Variants in NSD1 observed in about 807,000 individuals in gnomAD.
The protein encoded by NSD1 is histone-lysine N-methyltransferase, H3 lysine-36 specific.
Under a neutral mutation model 242.7 loss-of-function variants are expected in NSD1, and 26 were observed. That is an observed-to-expected ratio of 0.11 (90% CI 0.08 to 0.15). The LOEUF is 0.15. NSD1 is among the 10% of genes least tolerant of loss of function. NSD1 has a pLI of 1.00. For synonymous variants in NSD1, 1,106 were observed against 1,178.1 expected, an observed-to-expected ratio of 0.94 and a Z score of 1.25; for missense variants, 2,495 against 3,272.8, an observed-to-expected ratio of 0.76 and a Z score of 5.80.
intron 4 of NSD1, 139 bp from the exon 5 acceptor site, chr5:177,209,497 C>G (rs1415255137): frequency 1.5e-6 from 1 of 668,436 alleles, no homozygotes; most frequent in East Asian, 2.8e-5. Flanking sequence ...CCACTGCACT[C>G]CAGCCTGGGC....
At chr5:177,218,373 T>A (rs1763950325) in intron 5 of NSD1, among the ~76,000 whole-genome samples, 1 of 152,138 alleles carries the variant, frequency 6.6e-6, no homozygotes, top group Non-Finnish European at 1.5e-5. Context: ...ATTCCTAGTT[T>A]GTTGAGTGCT....
chr5:177,212,542 G>A (rs1331098486), intron 5 of NSD1, among the ~76,000 whole-genome samples: 1 of 118,798 alleles, frequency 8.4e-6, no homozygotes, highest in African/African-American at 3.4e-5. Context: ...TCACTGTGTT[G>A]CCCAGGCTGG....
chr5:177,292,493 G>C (rs1216629677), intron 22 of NSD1, among the ~76,000 whole-genome samples: 1 of 152,174 alleles, frequency 6.6e-6, no homozygotes, highest in African/African-American at 2.4e-5. Context: ...TTCACACATA[G>C]ATAGAGGAGC....
rs768468294 is a variant in NSD1 at position 177,256,958 on chromosome 5, T to C, written c.4773T>C (p.His1591=). Residue 1591 remains histidine (H), a synonymous_variant, in exon 13 of 23, where the codon CAT becomes CAC. Coordinates refer to ENST00000439151, the MANE Select transcript of NSD1 (RefSeq NM_022455.5). Reference sequence around the variant, plus strand: ...CTTCTTTTGGCTTCTCAGGAATCCATACCTGTTTTGTATGTAAGCAGAGTG... The same window carrying C: ...CTTCTTTTGGCTTCTCAGGAATCCACACCTGTTTTGTATGTAAGCAGAGTG... The part of the protein sequence containing the change: ...FICNECRTGI[H]TCFVCKQSGE... The C allele has an allele frequency of 1.2e-6, 2 of 1,613,796 alleles. No homozygotes were observed. The highest frequency in any genetic ancestry group is 1.7e-6 in the Non-Finnish European group (2 of 1,179,658).
intron 2 of NSD1, among the ~76,000 whole-genome samples, chr5:177,153,248 G>C (rs1581143051): frequency 6.7e-6 from 1 of 149,768 alleles, no homozygotes; most frequent in South Asian, 2.1e-4. Context: ...ATTAACTGCT[G>C]ATAGTGGAAT....
chr5:177,290,189 A>G (rs1224588890), intron 21 of NSD1, among the ~76,000 whole-genome samples: 2 of 145,896 alleles, frequency 1.4e-5, no homozygotes, highest in South Asian at 2.2e-4. Context: ...TAATTTTTTT[A>G]TATAATGGAT....
chr5:177,191,776 C>T (rs1761714715), intron 2 of NSD1, 108 bp from the exon 3 acceptor site: 6 of 1,151,684 alleles, frequency 5.2e-6, no homozygotes, highest in Non-Finnish European at 7.7e-6. Flanking sequence ...AGAGTGTTTT[C>T]ATTCTCAATT....
chr5:177,178,303 C>T (rs1760373305), intron 2 of NSD1, among the ~76,000 whole-genome samples: 1 of 151,586 alleles, frequency 6.6e-6, no homozygotes, highest in Admixed American at 6.6e-5. Flanking sequence ...CTCGGCTCAC[C>T]ACAACCTCCG....
intron 14 of NSD1, among the ~76,000 whole-genome samples, chr5:177,260,658 T>C (rs918686995): frequency 6.6e-6 from 1 of 152,182 alleles, no homozygotes; most frequent in Admixed American, 6.5e-5. Flanking sequence ...AGCAGAACTT[T>C]TTAAAACTTG....
chr5:177,187,108 T>C (rs1403416225), intron 2 of NSD1, among the ~76,000 whole-genome samples: 2 of 143,298 alleles, frequency 1.4e-5, no homozygotes, highest in South Asian at 2.3e-4. Flanking sequence ...AACTTTTTTT[T>C]TTTTTTTTTT....
chr5:177,293,284 A>G (rs979220074), intron 22 of NSD1, among the ~76,000 whole-genome samples: 1 of 152,218 alleles, frequency 6.6e-6, no homozygotes, highest in African/African-American at 2.4e-5. Flanking sequence ...TACTGATTCC[A>G]TGTGAACAAC....
intron 19 of NSD1, among the ~76,000 whole-genome samples, chr5:177,283,243 C>G (rs572238967): frequency 6.6e-6 from 1 of 152,180 alleles, no homozygotes; most frequent in Non-Finnish European, 1.5e-5. Flanking sequence ...CATGAGCCAC[C>G]GCACCTGGCC....
chr5:177,228,638 G>A (rs1003644653), intron 5 of NSD1, among the ~76,000 whole-genome samples: 6 of 152,028 alleles, frequency 3.9e-5, no homozygotes, highest in African/African-American at 7.2e-5. Context: ...TATAAATAGG[G>A]TCTAATAATC....
intron 3 of NSD1, among the ~76,000 whole-genome samples, chr5:177,192,555 C>T (rs1274270845): frequency 2.0e-5 from 3 of 152,124 alleles, no homozygotes; most frequent in Non-Finnish European, 4.4e-5. Context: ...TGCCACTACG[C>T]CCAGCTAATT....
intron 2 of NSD1, among the ~76,000 whole-genome samples, chr5:177,144,839 T>G (rs1277203833): frequency 2.0e-5 from 3 of 152,080 alleles, no homozygotes; most frequent in African/African-American, 7.2e-5. Context: ...CCCAGCACTT[T>G]GGGAGGCTGA....
At chr5:177,177,146 G>C (rs914254835) in intron 2 of NSD1, among the ~76,000 whole-genome samples, 4 of 152,240 alleles carry the variant, frequency 2.6e-5, no homozygotes, top group Non-Finnish European at 2.9e-5. Context: ...TAAGTGCTGG[G>C]AATACTGTGA....
intron 17 of NSD1, among the ~76,000 whole-genome samples, chr5:177,279,548 C>T (rs1357898505): frequency 6.6e-6 from 1 of 151,056 alleles, no homozygotes; most frequent in Non-Finnish European, 1.5e-5. Flanking sequence ...GCAAATGTGA[C>T]ACCAACATGT....
At chr5:177,249,753 C>T (rs1472967311) in intron 11 of NSD1, among the ~76,000 whole-genome samples, 1 of 152,218 alleles carries the variant, frequency 6.6e-6, no homozygotes, top group Admixed American at 6.5e-5. Context: ...TCCCAAAGTG[C>T]TGGGATTACA....
At chr5:177,156,541 G>A (rs563459578) in intron 2 of NSD1, among the ~76,000 whole-genome samples, 56 of 152,230 alleles carry the variant, frequency 3.7e-4, no homozygotes, top group African/African-American at 1.3e-3. Flanking sequence ...TTGGCTTGGA[G>A]CGGTGGCTCA....
Sources: gnomAD v4.1 joint callset for allele counts (sites outside exome capture counted in the v4.1 genomes callset) on GRCh38, gnomAD v4.1.1 for gene constraint, MANE v1.5 for transcripts, NCBI Gene and HGNC (gene_info 2026-07-23, HGNC 2026-07-21) for gene names.